The following PHKB variants were observed in gnomAD, a reference collection of about 807,000 sequenced individuals.
PHKB encodes phosphorylase kinase regulatory subunit beta, also known as phosphorylase b kinase regulatory subunit beta.
Under a neutral mutation model 152.1 loss-of-function variants are expected in PHKB, and 122 were observed. The ratio of observed to expected loss-of-function variants is 0.80; its 90% CI spans 0.69 to 0.93. PHKB has a LOEUF of 0.93. Ranked by LOEUF, PHKB falls within the 40% of genes least tolerant of loss-of-function variation. The pLI is 0.00. For synonymous variants in PHKB, 436 were observed against 464.9 expected, an observed-to-expected ratio of 0.94 and a Z score of 0.80; for missense variants, 1,304 against 1,328.4, an observed-to-expected ratio of 0.98 and a Z score of 0.29.
chr16:47,640,666 A>G (rs1973002236), intron 14 of PHKB, among the ~76,000 whole-genome samples: 1 of 152,100 alleles, frequency 6.6e-6, no homozygotes, highest in Admixed American at 6.5e-5. Flanking sequence ...TTTTTTACAG[A>G]GAACACATAA....
intron 2 of PHKB, among the ~76,000 whole-genome samples, chr16:47,499,362 T>G (rs544482128): frequency 6.6e-6 from 1 of 152,360 alleles, no homozygotes; most frequent in South Asian, 2.1e-4. Flanking sequence ...CTACTCTTTC[T>G]TGTGCATTTG....
intron 4 of PHKB, 57 bp downstream of exon 4, chr16:47,503,147 C>A: frequency 9.1e-7 from 1 of 1,102,904 alleles, no homozygotes; most frequent in Non-Finnish European, 1.4e-6. Context: ...ATTAATTTAA[C>A]TAGTATCGCA....
intron 26 of PHKB, among the ~76,000 whole-genome samples, chr16:47,686,565 G>A (rs1193417428): frequency 6.6e-6 from 1 of 152,226 alleles, no homozygotes; most frequent in Non-Finnish European, 1.5e-5. Context: ...ATTCCCATTT[G>A]AAAAATAATC....
In PHKB at chr16:47,547,837, C is replaced by G. The variant is rs142773850; in HGVS notation, c.710+289C>G. On this transcript the variant is annotated intron_variant, in intron 7 of 30. Transcript: ENST00000323584. ...TCCACAGCTTGGCCTTTCTGCTCAA[C>G]CAAGTCATTTTCTTTTTCCTCTTTG... 1,014 of 362,046 alleles carry G rather than the reference C, an allele frequency of 2.8e-3. 7 individuals carry two copies. Among genetic ancestry groups the G allele is most frequent in the African/African-American group, 0.02 (938 of 47,138 alleles). The allele number at this position is 362,046 out of a possible 1,614,324, so 22.4% of individuals were successfully genotyped here. A position where few individuals can be genotyped will look rare whatever the true frequency, so the allele number is the denominator to read the frequency against.
intron 7 of PHKB, among the ~76,000 whole-genome samples, chr16:47,577,452 T>G (rs927489985): frequency 1.3e-5 from 2 of 152,184 alleles, no homozygotes; most frequent in East Asian, 3.8e-4. Flanking sequence ...TGTTTTTTGT[T>G]TCTTTTTGGT....
At chr16:47,628,303 C>T (rs539502174) in intron 14 of PHKB, among the ~76,000 whole-genome samples, 6 of 152,196 alleles carry the variant, frequency 3.9e-5, no homozygotes, top group East Asian at 1.9e-4. Flanking sequence ...GAGGCCGAGG[C>T]GGGTGGATCA....
chr16:47,605,410 T>C (rs1454729651), intron 13 of PHKB, among the ~76,000 whole-genome samples: 3 of 152,230 alleles, frequency 2.0e-5, no homozygotes, highest in Non-Finnish European at 2.9e-5. Context: ...CCAATTTTAA[T>C]AGATTAGCAT....
chr16:47,503,781 A>G (rs928821863), intron 4 of PHKB, among the ~76,000 whole-genome samples: 1 of 152,158 alleles, frequency 6.6e-6, no homozygotes, highest in Non-Finnish European at 1.5e-5. Context: ...GTGAGCCAAG[A>G]TCATGCCAAT....
At chr16:47,595,993 T>C (rs1008564437) in intron 12 of PHKB, among the ~76,000 whole-genome samples, 3 of 152,190 alleles carry the variant, frequency 2.0e-5, no homozygotes, top group Non-Finnish European at 4.4e-5. Flanking sequence ...AATTTTGATA[T>C]GGTTCGGCTG....
At chr16:47,563,384 G>C (rs552988962) in intron 7 of PHKB, among the ~76,000 whole-genome samples, 3 of 152,116 alleles carry the variant, frequency 2.0e-5, no homozygotes, top group Admixed American at 6.6e-5. Flanking sequence ...ACTGCAGAAT[G>C]AATGTTGTGT....
At chr16:47,601,070 C>T (rs962570395) in intron 13 of PHKB, among the ~76,000 whole-genome samples, 42 of 152,068 alleles carry the variant, frequency 2.8e-4, no homozygotes, top group Non-Finnish European at 4.9e-4. Flanking sequence ...GAGCTCTGCC[C>T]GCCAGCCATG....
intron 6 of PHKB, among the ~76,000 whole-genome samples, chr16:47,535,626 C>T (rs564447374): frequency 1.3e-5 from 2 of 152,138 alleles, no homozygotes; most frequent in East Asian, 3.9e-4. Flanking sequence ...AATATAAGTC[C>T]CGCTCTATCT....
chr16:47,665,612 C>T (rs934822676), intron 25 of PHKB: 4 of 360,366 alleles, frequency 1.1e-5, no homozygotes, highest in African/African-American at 4.2e-5. Flanking sequence ...ATCAGAATAC[C>T]CTCTTAATCC....
chr16:47,605,947 C>A (rs535895794), intron 13 of PHKB, among the ~76,000 whole-genome samples: 3 of 152,262 alleles, frequency 2.0e-5, no homozygotes, highest in African/African-American at 2.4e-5. Flanking sequence ...TACCAACCAC[C>A]AGGAAGTTGC....
At chr16:47,593,469 G>A (rs1016908454) in intron 10 of PHKB, 31 bp from the exon 11 acceptor site, 1 of 1,138,270 alleles carries the variant, frequency 8.8e-7, no homozygotes, top group Non-Finnish European at 1.3e-6. Flanking sequence ...AATTGTTAGT[G>A]TAAAATTTAA....
intron 7 of PHKB, among the ~76,000 whole-genome samples, chr16:47,577,920 T>C (rs1163446992): frequency 6.6e-6 from 1 of 152,194 alleles, no homozygotes; most frequent in East Asian, 1.9e-4. Context: ...TGCTTTGCCC[T>C]CTGTCTCTCT....
chr16:47,691,012 G>A (rs753155558), intron 27 of PHKB, among the ~76,000 whole-genome samples: 24 of 152,212 alleles, frequency 1.6e-4, no homozygotes, highest in Non-Finnish European at 3.4e-4. Context: ...TTGAGTCCAC[G>A]AGTTTGAGAC....
At chr16:47,664,340 G>A (rs1300520764) in intron 24 of PHKB, 5 of 157,630 alleles carry the variant, frequency 3.2e-5, no homozygotes, top group South Asian at 3.7e-4. Context: ...AGTTTTACTA[G>A]CAGAATCTAA....
At chr16:47,471,981 G>A (rs928965642) in intron 1 of PHKB, among the ~76,000 whole-genome samples, 1 of 152,130 alleles carries the variant, frequency 6.6e-6, no homozygotes, top group Non-Finnish European at 1.5e-5. Flanking sequence ...GCGTGAACCC[G>A]GGAGGCGGGT....
Sources: gnomAD v4.1 joint callset for allele counts (sites outside exome capture counted in the v4.1 genomes callset) on GRCh38, gnomAD v4.1.1 for gene constraint, MANE v1.5 for transcripts, NCBI Gene and HGNC (gene_info 2026-07-23, HGNC 2026-07-21) for gene names.